Variants in CDHR2 observed in about 807,000 individuals in gnomAD.
The protein encoded by CDHR2 is cadherin-related family member 2.
A neutral mutation model predicts 138.6 loss-of-function variants in CDHR2; 104 were observed. That is an observed-to-expected ratio of 0.75 (90% CI 0.64 to 0.88). The LOEUF is 0.88. Ranked by LOEUF, CDHR2 falls within the 40% of genes least tolerant of loss-of-function variation. The pLI, the probability that CDHR2 is intolerant of heterozygous loss-of-function variation, is 0.00. For synonymous variants in CDHR2, 755 were observed against 742.8 expected (o/e 1.02, Z -0.27); for missense variants, 1,624 against 1,727.6 (o/e 0.94, Z 1.06).
At position 176,589,133 on chromosome 5, in the gene CDHR2, T is replaced by C; in HGVS notation, c.2959T>C (p.Phe987Leu). The C allele has an allele frequency of 6.2e-7, 1 of 1,614,134 alleles. No homozygotes were observed. The highest frequency in any genetic ancestry group is 8.5e-7 in the Non-Finnish European group (1 of 1,180,014). The change falls in exon 22 of 32, where the codon TTC (phenylalanine) becomes CTC (leucine). Residue 987 changes from phenylalanine (F) to leucine (L), a missense_variant. By Grantham distance (22) the Phe-to-Leu change is conservative. Transcript: ENST00000261944. ...DGATIPFQGV[F>L]SIFTSSEADV... ...GGCCACCATCCCTTTCCAGGGTGTC[T>C]TCTCGATCTTCACCTCCTCCGAGGC... is the stretch of plus-strand genomic sequence containing the variant.
In CDHR2 at chr5:176,577,662, A is replaced by G; in HGVS notation, c.1376A>G (p.Gln459Arg). ...VQVVATDSVSQNFSVAMVTIH... is the reference protein window; with the variant it reads ...VQVVATDSVSRNFSVAMVTIH... ...GTTGTGGCCACAGACTCCGTCAGCC[A>G]GAACTTCTCCGTCGCCATGGTGACC... is the stretch of plus-strand genomic sequence containing the variant. The change falls in exon 14 of 32, where the codon CAG becomes CGG. Residue 459 changes from glutamine to arginine, a missense_variant. Physicochemically the swap from Gln to Arg is conservative, Grantham distance 43. Coordinates refer to ENST00000261944, the MANE Select transcript of CDHR2 (RefSeq NM_017675.6). The G allele has an allele frequency of 6.2e-7, 1 of 1,614,206 alleles. No homozygotes were observed. Among genetic ancestry groups the G allele is most frequent in the African/African-American group, 1.3e-5 (1 of 75,060 alleles).
At chr5:176,590,825 C>G in intron 28 of CDHR2, 138 bp downstream of exon 28, 1 of 1,159,132 alleles carries the variant, frequency 8.6e-7, no homozygotes, top group Non-Finnish European at 1.2e-6. Context: ...AGTGCGAGAT[C>G]TTGGGTGAGT....
chr5:176,591,144 A>G lies in CDHR2; in HGVS notation c.3540-66A>G. ...CGGGATCTTGTGAAGCCACAGGCTC[A>G]GGGCCTCCACTGGGGACACAACAGG... is the stretch of plus-strand genomic sequence containing the variant. On this transcript the variant is annotated intron_variant, in intron 28 of 31. Coordinates refer to ENST00000261944, the MANE Select transcript of CDHR2 (RefSeq NM_017675.6). The G allele has an allele frequency of 2.8e-6, 3 of 1,088,894 alleles. No individual in the cohort carries two copies. In the Admixed American group the frequency reaches 5.5e-5, roughly 20 times the overall value. 67.5% of individuals were successfully genotyped at this position (1,088,894 alleles called of 1,614,324 possible).
intron 5 of CDHR2, 23 bp downstream of exon 5, chr5:176,569,033 G>C (rs1758157981): frequency 6.2e-7 from 1 of 1,613,074 alleles, no homozygotes; most frequent in Non-Finnish European, 8.5e-7. Context: ...GTGCAGGGGG[G>C]TAGACAGGGA....
chr5:176,575,914 C>A (rs1561874251), intron 11 of CDHR2, 38 bp from the exon 12 acceptor site: 1 of 1,586,054 alleles, frequency 6.3e-7, no homozygotes, highest in Admixed American at 1.8e-5. Context: ...TCTCTGAGCA[C>A]TGGCTCTCTG....
chr5:176,567,715 G>A (rs960394407), intron 3 of CDHR2, among the ~76,000 whole-genome samples: 5 of 151,670 alleles, frequency 3.3e-5, no homozygotes, highest in Non-Finnish European at 7.4e-5. Flanking sequence ...CTGGTTTCGA[G>A]CTCCTGATCT....
chr5:176,565,671 G>C lies in CDHR2; in HGVS notation c.53-1G>C. 1.9e-6 allele frequency: 3 copies of C among 1,613,630 alleles called. No individual in the cohort carries two copies. Among genetic ancestry groups the C allele is most frequent in the Non-Finnish European group, 1.7e-6 (2 of 1,179,682 alleles). On this transcript the variant is annotated splice_acceptor_variant, in intron 2 of 31. Coordinates refer to ENST00000261944, the MANE Select transcript of CDHR2 (RefSeq NM_017675.6). LOFTEE classifies it high-confidence loss of function. Reference sequence around the variant, plus strand: ...TGTTCCAGCACACTGTGTCCCTACAGTGGCAGCCAACGTGGCCCCGAAGTT... The same window carrying C: ...TGTTCCAGCACACTGTGTCCCTACACTGGCAGCCAACGTGGCCCCGAAGTT...
intron 5 of CDHR2, among the ~76,000 whole-genome samples, chr5:176,570,910 C>CA (rs1460365425): frequency 6.6e-6 from 1 of 150,414 alleles, no homozygotes; most frequent in Non-Finnish European, 1.5e-5. Flanking sequence ...GAGATCACGC[C>CA]ATTGTACTCC....
At position 176,584,604 on chromosome 5, in the gene CDHR2, A is replaced by C. The variant is rs767725856; in HGVS notation, c.2323A>C (p.Asn775His). 12 of 1,606,924 alleles carry C rather than the reference A, an allele frequency of 7.5e-6. No homozygotes were observed. The African/African-American group carries it at 1.5e-4, about 20-fold the overall frequency. The change falls in exon 19 of 32, where the codon AAC becomes CAC. Residue 775 changes from asparagine to histidine, a missense_variant. By Grantham distance (68) the Asn-to-His change is moderately conservative (BLOSUM62 1). Transcript: ENST00000261944. ...GGATTACGAGACACAGCCCGTCTTC[A>C]ACTTGACAGTGAGTGCTGAGAACCC... The part of the protein sequence containing the change: ...SLDYETQPVF[N>H]LTVSAENPDP...
chr5:176,548,454 TG>T (rs898377354), upstream of CDHR2, among the ~76,000 whole-genome samples: 2 of 152,162 alleles, frequency 1.3e-5, no homozygotes, highest in Non-Finnish European at 2.9e-5. Flanking sequence ...AAAGCCAGCC[TG>T]GGGGCCGAGC....
At chr5:176,552,106 T>G (rs1439806241) in intron 1 of CDHR2, among the ~76,000 whole-genome samples, 1 of 152,226 alleles carries the variant, frequency 6.6e-6, no homozygotes, top group Non-Finnish European at 1.5e-5. Flanking sequence ...TGCGTTGGCC[T>G]GAGGCTGCCC....
chr5:176,589,428 C>T lies in CDHR2; in HGVS notation c.3107C>T (p.Thr1036Ile). The T allele has an allele frequency of 6.3e-7, 1 of 1,597,364 alleles. No individual in the cohort carries two copies. The highest frequency in any genetic ancestry group is 1.1e-5 in the South Asian group (1 of 88,628). Residue 1036 changes from threonine to isoleucine, a missense_variant, in exon 23 of 32, where the codon ACC (threonine) becomes ATC (isoleucine). By Grantham distance (89) the Thr-to-Ile change is moderately conservative. This residue lies in a region of CDHR2 where 556 missense variants were observed against 565.7 expected (regional missense o/e 0.98). Transcript: ENST00000261944. ...PSLGPFLEAT[T>I]TLNLFTVDQS... ...TTGGGTCCTTTCCTGGAAGCCACCA[C>T]CACCCTGAATGTGAGTGCTGGTCCC...
At chr5:176,559,391 T>A (rs1757916124) in intron 1 of CDHR2, among the ~76,000 whole-genome samples, 1 of 152,244 alleles carries the variant, frequency 6.6e-6, no homozygotes, top group African/African-American at 2.4e-5. Context: ...CTTGTTTTTC[T>A]CTGCAGAGGA....
chr5:176,547,708 G>GC (rs1348805041), upstream of CDHR2: 1 of 152,240 alleles, frequency 6.6e-6, no homozygotes, highest in African/African-American at 2.4e-5. Flanking sequence ...GACTACAGGT[G>GC]CACAGCAGTG....
chr5:176,556,842 T>C (rs1757838183), intron 1 of CDHR2: 1 of 151,986 alleles, frequency 6.6e-6, no homozygotes, highest in South Asian at 2.1e-4. Context: ...TACTACAAGG[T>C]TTATAACAAA....
intron 21 of CDHR2, among the ~76,000 whole-genome samples, chr5:176,588,178 G>A (rs905878672): frequency 6.6e-6 from 1 of 150,860 alleles, no homozygotes; most frequent in African/African-American, 2.5e-5. Flanking sequence ...TAGGAAATCT[G>A]AGCATCGCTG....
At chr5:176,568,591 C>T (rs536943624) in intron 3 of CDHR2, 87 bp from the exon 4 acceptor site, 27 of 1,484,354 alleles carry the variant, frequency 1.8e-5, no homozygotes, top group South Asian at 7.6e-5. Context: ...GGCAGCCAGG[C>T]GCCCAGCCCA....
chr5:176,588,027 G>T (rs977092756), intron 21 of CDHR2, among the ~76,000 whole-genome samples: 15 of 152,180 alleles, frequency 9.9e-5, no homozygotes, highest in Admixed American at 8.5e-4. Flanking sequence ...TGAACTCGAA[G>T]CTCTGTGTGC....
chr5:176,586,034 C>T lies in CDHR2; in HGVS notation c.2806+9C>T, dbSNP rs757364761. ...TGAGAATAAGACTTTTGGTAAGCAG[C>T]AACCCCATTCACACACCATACCCCT... On this transcript the variant is annotated intron_variant, in intron 20 of 31. Coordinates refer to ENST00000261944, the MANE Select transcript of CDHR2 (RefSeq NM_017675.6). The T allele has an allele frequency of 1.2e-6, 2 of 1,611,376 alleles. No individual in the cohort carries two copies. The highest frequency in any genetic ancestry group is 3.3e-5 in the Admixed American group (2 of 60,004).
Sources: gnomAD v4.1 joint callset for allele counts (sites outside exome capture counted in the v4.1 genomes callset) on GRCh38, gnomAD v4.1.1 for gene constraint, gnomAD v4.1.1 regional missense constraint, MANE v1.5 for transcripts, NCBI Gene and HGNC (gene_info 2026-07-23, HGNC 2026-07-21) for gene names.